SAMD5: variants seen among roughly 807,000 people sequenced by gnomAD.
SAMD5 encodes sterile alpha motif domain containing 5, also known as sterile alpha motif domain-containing protein 5.
A neutral mutation model predicts 11.3 loss-of-function variants in SAMD5; 13 were observed. That is an observed-to-expected ratio of 1.15 (90% CI 0.75 to 1.83). SAMD5 has a LOEUF of 1.83. Ranked by LOEUF, SAMD5 falls within the 40% of genes most tolerant of loss-of-function variation. The pLI is 0.00. For synonymous variants in SAMD5, 129 were observed against 111.3 expected (o/e 1.16, Z -1.00); for missense variants, 255 against 239.1 (o/e 1.07, Z -0.44).
chr6:147,877,907 ATAGC>A, the SAMD5 span, among the ~76,000 whole-genome samples: 36 of 92,770 alleles, frequency 3.9e-4, no homozygotes, highest in East Asian at 2.3e-3. Context: ...AGATAGATAG[ATAGC>A]TAGCTAGCTA....
At chr6:147,762,195 G>A in the SAMD5 span, among the ~76,000 whole-genome samples, 1 of 151,854 alleles carries the variant, frequency 6.6e-6, no homozygotes, top group African/African-American at 2.4e-5. Context: ...AATAACAGTG[G>A]CAAAAGCAAT....
At chr6:147,812,774 TAGAC>T in the SAMD5 span, among the ~76,000 whole-genome samples, 1 of 152,188 alleles carries the variant, frequency 6.6e-6, no homozygotes, top group Non-Finnish European at 1.5e-5. Context: ...AGATTATTTT[TAGAC>T]AGGCAGAAAC....
At chr6:147,919,220 G>A in the SAMD5 span, among the ~76,000 whole-genome samples, 2 of 152,254 alleles carry the variant, frequency 1.3e-5, no homozygotes, top group South Asian at 4.2e-4. Flanking sequence ...TTACGAATTG[G>A]TAATGTGTGA....
In SAMD5 at chr6:147,568,291, A is replaced by G. The variant is rs1789076855; in HGVS notation, c.*3835A>G. The G allele has an allele frequency of 1.0e-6, 1 of 985,322 alleles. No individual in the cohort carries two copies. The highest frequency in any genetic ancestry group is 1.2e-6 in the Non-Finnish European group (1 of 829,864). 61.0% of individuals were successfully genotyped at this position (985,322 alleles called of 1,614,324 possible). On this transcript the variant is annotated 3_prime_UTR_variant, in exon 2 of 2. Transcript: ENST00000367474. ...TGAAAATTGATATGAGCATGTCTGAATTTTTCCCTTATAAGAGCCTGAGTA... is the reference window on the plus strand; with the variant it reads ...TGAAAATTGATATGAGCATGTCTGAGTTTTTCCCTTATAAGAGCCTGAGTA...
the SAMD5 span, among the ~76,000 whole-genome samples, chr6:147,870,802 G>A: frequency 8.4e-5 from 11 of 130,546 alleles, no homozygotes; most frequent in African/African-American, 2.5e-4. Context: ...AGGGAAGAGG[G>A]AAGGGGAGGG....
At chr6:147,848,308 G>T in the SAMD5 span, among the ~76,000 whole-genome samples, 1 of 152,108 alleles carries the variant, frequency 6.6e-6, no homozygotes, top group African/African-American at 2.4e-5. Flanking sequence ...TAATTTCTCA[G>T]GATTCTGAAC....
chr6:147,787,623 CAG>C, the SAMD5 span, among the ~76,000 whole-genome samples: 1 of 152,144 alleles, frequency 6.6e-6, no homozygotes, highest in African/African-American at 2.4e-5. Context: ...TGGCAGCAAA[CAG>C]AGAGCAATTT....
the SAMD5 span, among the ~76,000 whole-genome samples, chr6:147,917,196 T>C: frequency 0.4 from 26,680 of 66,470 alleles, 6,825 homozygotes; most frequent in African/African-American, 0.65. Flanking sequence ...GTTCCTATTT[T>C]TCCACATCCT....
At chr6:147,718,548 A>G (rs1791499843) in intron 1 of SAMD5, among the ~76,000 whole-genome samples, 1 of 152,204 alleles carries the variant, frequency 6.6e-6, no homozygotes, top group African/African-American at 2.4e-5. Context: ...TAGAAAAAGA[A>G]TAGAGCTCTA....
chr6:147,869,031 G>A, the SAMD5 span, among the ~76,000 whole-genome samples: 3 of 152,204 alleles, frequency 2.0e-5, no homozygotes, highest in Non-Finnish European at 4.4e-5. Context: ...GATGGTGATG[G>A]CTTTGCACTG....
At chr6:147,725,347 G>C (rs79940011) in intron 1 of SAMD5, among the ~76,000 whole-genome samples, 54 of 151,318 alleles carry the variant, frequency 3.6e-4, no homozygotes, top group Middle Eastern at 7.0e-3. Flanking sequence ...CAAATCTTGT[G>C]GGGGGTGGAC....
the SAMD5 span, among the ~76,000 whole-genome samples, chr6:147,895,165 T>C: frequency 6.6e-6 from 1 of 152,334 alleles, no homozygotes; most frequent in East Asian, 1.9e-4. Flanking sequence ...GGCCCTGCCT[T>C]TTCTTGCAAA....
chr6:147,932,326 G>A, the SAMD5 span, among the ~76,000 whole-genome samples: 3 of 152,090 alleles, frequency 2.0e-5, no homozygotes, highest in Non-Finnish European at 4.4e-5. Context: ...TGATCATGTT[G>A]AACCTGACTC....
At chr6:147,834,930 A>G in the SAMD5 span, among the ~76,000 whole-genome samples, 1 of 152,154 alleles carries the variant, frequency 6.6e-6, no homozygotes. Context: ...ATCTTTTGAC[A>G]CAGAAATGAA....
chr6:147,707,071 G>GT (rs1036612386), intron 1 of SAMD5, among the ~76,000 whole-genome samples: 5 of 152,036 alleles, frequency 3.3e-5, no homozygotes, highest in Non-Finnish European at 2.9e-5. Flanking sequence ...CTAATGATGT[G>GT]TTTTTTGAGG....
chr6:147,763,389 C>A, the SAMD5 span, among the ~76,000 whole-genome samples: 1 of 151,936 alleles, frequency 6.6e-6, no homozygotes, highest in African/African-American at 2.4e-5. Context: ...GTCTTGAACT[C>A]CTGACCTCGT....
At chr6:147,928,741 C>G in the SAMD5 span, among the ~76,000 whole-genome samples, 1 of 151,870 alleles carries the variant, frequency 6.6e-6, no homozygotes, top group Non-Finnish European at 1.5e-5. Flanking sequence ...CTAATTCTTT[C>G]AGTTGTGATG....
At chr6:147,888,607 C>T in the SAMD5 span, among the ~76,000 whole-genome samples, 1 of 152,008 alleles carries the variant, frequency 6.6e-6, no homozygotes, top group African/African-American at 2.4e-5. Context: ...CTTTGGCCAG[C>T]CACTGTGGCT....
intron 1 of SAMD5, among the ~76,000 whole-genome samples, chr6:147,665,729 A>C (rs1790707870): frequency 6.6e-6 from 1 of 152,198 alleles, no homozygotes; most frequent in African/African-American, 2.4e-5. Context: ...ACCATCTTTC[A>C]ATGAAGGAGA....
Sources: allele counts gnomAD v4.1 joint callset (sites outside exome capture counted in the v4.1 genomes callset), GRCh38; gene constraint gnomAD v4.1.1; transcripts MANE v1.5; gene names NCBI Gene and HGNC (gene_info 2026-07-23, HGNC 2026-07-21).